Variants in SLC27A1 observed in about 807,000 individuals in gnomAD.
SLC27A1 encodes solute carrier family 27 member 1.
SLC27A1 carries 61 observed loss-of-function variants against 62.2 expected under a neutral mutation model. The observed-to-expected ratio is 0.98, with a 90% confidence interval of 0.80 to 1.21. The LOEUF (loss-of-function observed/expected upper bound fraction) is 1.21, where lower values mean the gene tolerates loss of function less well. SLC27A1 is among the 50% of genes most tolerant of loss of function. The pLI, the probability that SLC27A1 is intolerant of heterozygous loss-of-function variation, is 0.00. For missense variants in SLC27A1, 903 were observed against 932.1 expected (o/e 0.97, Z 0.41); for synonymous variants, 435 against 408.6 (o/e 1.06, Z -0.78).
At chr19:17,494,797 CA>C (rs71162145) in intron 6 of SLC27A1, among the ~76,000 whole-genome samples, 34,825 of 147,688 alleles carry the variant, frequency 0.24, 4,204 homozygotes, top group Non-Finnish European at 0.26. Flanking sequence ...TTTTTGTTTC[CA>C]AAAAAAAAAA....
chr19:17,472,687 C>T (rs2075088353), intron 1 of SLC27A1, among the ~76,000 whole-genome samples: 1 of 151,722 alleles, frequency 6.6e-6, no homozygotes, highest in Non-Finnish European at 1.5e-5. Context: ...CCACCATGCC[C>T]AGCTAATTTT....
At chr19:17,470,300 G>C, upstream of SLC27A1, 1 of 490,700 alleles carries the variant, frequency 2.0e-6, no homozygotes, top group Non-Finnish European at 3.5e-6. Context: ...CCCTGGTCTG[G>C]TTCCTAGTTA....
upstream of SLC27A1, chr19:17,470,520 A>T: frequency 6.6e-7 from 1 of 1,523,788 alleles, no homozygotes; most frequent in Non-Finnish European, 8.7e-7. Context: ...CCGCGGCCTC[A>T]GCTCTCTCTG....
Position 17,500,415 on chromosome 19 carries a change from C to G in SLC27A1, c.1333+11C>G. 3 of 1,613,258 alleles carry G rather than the reference C, an allele frequency of 1.9e-6. No individual in the cohort carries two copies. Among genetic ancestry groups the G allele is most frequent in the Non-Finnish European group, 2.5e-6 (3 of 1,179,588 alleles). ...TCCCCTGCCAGGCCGGTGAGCAGGG[C>G]CCCCGCATGGTCCCCACCCGGAGCA... On this transcript the variant is annotated intron_variant, in intron 8 of 11. Coordinates refer to ENST00000252595, the MANE Select transcript of SLC27A1 (RefSeq NM_198580.3).
chr19:17,470,816 G>C, intron 1 of SLC27A1, 109 bp downstream of exon 1: 1 of 1,051,728 alleles, frequency 9.5e-7, no homozygotes, highest in Non-Finnish European at 1.3e-6. Flanking sequence ...GGAGAGCTGA[G>C]GGTGCTTTGT....
At chr19:17,474,498 C>G (rs2075103764) in intron 1 of SLC27A1, among the ~76,000 whole-genome samples, 1 of 152,152 alleles carries the variant, frequency 6.6e-6, no homozygotes, top group Admixed American at 6.6e-5. Context: ...TTCTAAGTTC[C>G]TGACATGGCT....
intron 10 of SLC27A1, 24 bp from the exon 11 acceptor site, chr19:17,501,249 C>T: frequency 6.2e-7 from 1 of 1,610,054 alleles, no homozygotes; most frequent in Admixed American, 1.7e-5. Context: ...GGCGGGGTGT[C>T]CTCAGCTGAG....
intron 6 of SLC27A1, among the ~76,000 whole-genome samples, chr19:17,494,287 T>C (rs890440930): frequency 6.6e-6 from 1 of 151,534 alleles, no homozygotes; most frequent in Non-Finnish European, 1.5e-5. Context: ...CCTCCCAAAG[T>C]GCTGGGATTA....
At chr19:17,470,777 C>CCTG in intron 1 of SLC27A1, 70 bp downstream of exon 1, 1 of 1,159,764 alleles carries the variant, frequency 8.6e-7, no homozygotes. Flanking sequence ...CGGTGCAGGG[C>CCTG]TGGGTTGCGG....
rs1325116090 is a variant in SLC27A1, at chr19:17,488,926, G to C, written c.873G>C (p.Leu291=). The change falls in exon 5 of 12, where the codon CTG becomes CTC. Residue 291 remains leucine (L), a synonymous_variant. Coordinates refer to ENST00000252595, the MANE Select transcript of SLC27A1 (RefSeq NM_198580.3). ...AADVLYDCLP[L]YHSAGNIIGV... is the part of the protein sequence containing the mutation. ...ACGTGCTCTATGACTGCCTGCCCCT[G>C]TACCACTCGGCAGGTACTACGGCCT... 1.2e-6 allele frequency: 2 copies of C among 1,614,002 alleles called. No individual in the cohort carries two copies. The highest frequency in any genetic ancestry group is 3.3e-5 in the Admixed American group (2 of 59,988).
At position 17,479,239 on chromosome 19, in the gene SLC27A1, C is replaced by T. The variant is rs998498992; in HGVS notation, c.168-7324C>T. Among the ~76,000 whole-genome samples, 9 of 152,296 alleles carry T rather than the reference C, an allele frequency of 5.9e-5. No homozygotes were observed. In the East Asian group the frequency reaches 1.7e-3, roughly 29 times the overall value. The stretch of plus-strand genomic sequence containing the variant: ...TGGCCAACAAAATGAGATCCCTTCT[C>T]TACAAAAAAATAAAACAAAACAAAA... On this transcript the variant is annotated intron_variant, in intron 1 of 11. Transcript: ENST00000252595.
Position 17,501,341 on chromosome 19 carries a change from T to C in SLC27A1, c.1705T>C (p.Tyr569His), listed in dbSNP as rs2075410536. 7 of 1,613,888 alleles carry C rather than the reference T, an allele frequency of 4.3e-6. No individual in the cohort carries two copies. Among genetic ancestry groups the C allele is most frequent in the African/African-American group, 2.7e-5 (2 of 74,898 alleles). The change falls in exon 11 of 12, where the codon TAC becomes CAC. Residue 569 changes from tyrosine (Y) to histidine (H), a missense_variant. By Grantham distance (83) the Tyr-to-His change is moderately conservative. Transcript: ENST00000252595. ...CAGCCTGCTGGACCCCAACGCGATA[T>C]ACCAGGAGCTGCAGAAGGTGCTGGC... is the stretch of plus-strand genomic sequence containing the variant. ...PHSLLDPNAI[Y>H]QELQKVLAPY...
intron 6 of SLC27A1, 89 bp downstream of exon 6, chr19:17,489,206 G>GC: frequency 9.2e-7 from 1 of 1,083,600 alleles, no homozygotes; most frequent in Middle Eastern, 2.7e-4. Flanking sequence ...TCCCGGTGAG[G>GC]CCCCGTACCT....
intron 11 of SLC27A1, chr19:17,503,318 A>G (rs989247158): frequency 3.9e-5 from 6 of 152,118 alleles, no homozygotes; most frequent in African/African-American, 1.2e-4. Context: ...ACTTTTTCTT[A>G]AAGGACCAGA....
At chr19:17,487,119 C>T in intron 2 of SLC27A1, 55 bp from the exon 3 acceptor site, 1 of 1,609,922 alleles carries the variant, frequency 6.2e-7, no homozygotes, top group Non-Finnish European at 8.5e-7. Context: ...GCATCCCAGG[C>T]CTCGGGAGGG....
In SLC27A1 at chr19:17,500,292, T is replaced by G; in HGVS notation, c.1221T>G (p.Gly407=). Residue 407 remains glycine (G), a synonymous_variant, in exon 8 of 12, where the codon GGT becomes GGG. Transcript: ENST00000252595. ...ANMDGKVGSC[G]FNSRILPHVY... ...CCCCATTCCAGGTCGGCTCCTGTGG[T>G]TTCAACAGCCGCATCCTGCCCCACG... 6.2e-7 allele frequency: 1 copy of G among 1,614,050 alleles called. No individual in the cohort carries two copies. Among genetic ancestry groups the G allele is most frequent in the Non-Finnish European group, 8.5e-7 (1 of 1,179,966 alleles).
At chr19:17,477,147 C>T (rs898722454) in intron 1 of SLC27A1, among the ~76,000 whole-genome samples, 2 of 150,890 alleles carry the variant, frequency 1.3e-5, no homozygotes, top group Non-Finnish European at 2.9e-5. Context: ...CCTTGGCCTA[C>T]CAAAGTGCTG....
chr19:17,473,716 G>C (rs2075097792), intron 1 of SLC27A1, among the ~76,000 whole-genome samples: 1 of 152,142 alleles, frequency 6.6e-6, no homozygotes, highest in South Asian at 2.1e-4. Flanking sequence ...ACAAAAATTA[G>C]CCGGGCGTGG....
At chr19:17,494,000 C>G (rs1307822190) in intron 6 of SLC27A1, among the ~76,000 whole-genome samples, 1 of 151,516 alleles carries the variant, frequency 6.6e-6, no homozygotes, top group Non-Finnish European at 1.5e-5. Context: ...GTGGACATGC[C>G]CAGCCCCAGG....
Sources: gnomAD v4.1 joint callset for allele counts (sites outside exome capture counted in the v4.1 genomes callset) on GRCh38, gnomAD v4.1.1 for gene constraint, MANE v1.5 for transcripts, NCBI Gene and HGNC (gene_info 2026-07-23, HGNC 2026-07-21) for gene names.